GUCA1A: variants seen among roughly 807,000 people sequenced by gnomAD.
GUCA1A encodes guanylyl cyclase-activating protein 1.
A neutral mutation model predicts 18.5 loss-of-function variants in GUCA1A; 14 were observed. The ratio of observed to expected loss-of-function variants is 0.76; its 90% CI spans 0.50 to 1.18. The LOEUF is 1.18. GUCA1A is among the 50% of genes most tolerant of loss of function. The pLI is 0.00. For synonymous variants in GUCA1A, 97 were observed against 100.2 expected, an observed-to-expected ratio of 0.97 and a Z score of 0.19; for missense variants, 264 against 262.4, an observed-to-expected ratio of 1.01 and a Z score of -0.04.
intron 2 of GUCA1A, 56 bp downstream of exon 2, chr6:42,178,485 G>T: frequency 6.8e-7 from 1 of 1,464,920 alleles, no homozygotes; most frequent in South Asian, 1.1e-5. Flanking sequence ...ACCCGGAACT[G>T]AGAGCCCAGG....
chr6:42,173,928 C>A, intron 1 of GUCA1A, 114 bp downstream of exon 1: 2 of 766,806 alleles, frequency 2.6e-6, no homozygotes, highest in Non-Finnish European at 4.6e-6. Context: ...CGCTGGGGAG[C>A]AACTTCATTT....
At position 42,178,859 on chromosome 6, in the gene GUCA1A, G is replaced by A. The variant is rs756482682; in HGVS notation, c.409G>A (p.Asp137Asn). The A allele has an allele frequency of 6.2e-7, 1 of 1,613,864 alleles. No homozygotes were observed. Among genetic ancestry groups the A allele is most frequent in the Non-Finnish European group, 8.5e-7 (1 of 1,179,754 alleles). Residue 137 changes from aspartate (D) to asparagine (N), a missense_variant, in exon 3 of 4, where the codon GAT becomes AAT. Asp to Asn is a conservative substitution (Grantham distance 23, BLOSUM62 1). Coordinates refer to ENST00000372958, the MANE Select transcript of GUCA1A (RefSeq NM_001384910.1). ...DTTMTAEEFT[D>N]TVFSKIDVNG... ...CACCATGACTGCAGAGGAGTTCACC[G>A]ATACAGTGTTCTCCAAGATTGACGT... is the stretch of plus-strand genomic sequence containing the variant.
At chr6:42,176,678 C>T (rs1404095776) in intron 1 of GUCA1A, among the ~76,000 whole-genome samples, 1 of 152,178 alleles carries the variant, frequency 6.6e-6, no homozygotes, top group Non-Finnish European at 1.5e-5. Flanking sequence ...AGGTGATCCA[C>T]CTGCCTCGGC....
Position 42,179,644 on chromosome 6 carries a change from T to G in GUCA1A, c.*241T>G, listed in dbSNP as rs1768066134. On this transcript the variant is annotated 3_prime_UTR_variant, in exon 4 of 4. Transcript: ENST00000372958. ...AGCACTCCTTGCTGGGGGGCACTGT[T>G]CAACATCCCTCTGCCGTCGGGTGAC... 1 of 448,056 alleles carries G rather than the reference T, an allele frequency of 2.2e-6. No homozygotes were observed. Among genetic ancestry groups the G allele is most frequent in the Non-Finnish European group, 3.9e-6 (1 of 253,636 alleles). 27.8% of individuals were successfully genotyped at this position (448,056 alleles called of 1,614,324 possible). A position where few individuals can be genotyped will look rare whatever the true frequency, so the allele number is the denominator to read the frequency against.
chr6:42,177,158 A>G (rs972118160), intron 1 of GUCA1A, among the ~76,000 whole-genome samples: 2 of 152,178 alleles, frequency 1.3e-5, no homozygotes, highest in Admixed American at 6.5e-5. Flanking sequence ...ACACAAATCA[A>G]TGCAAATCTC....
Position 42,173,588 on chromosome 6 carries a change from A to T in GUCA1A, c.-26A>T. On this transcript the variant is annotated 5_prime_UTR_variant, in exon 1 of 4. Transcript: ENST00000372958. The stretch of plus-strand genomic sequence containing the variant: ...AGCGAACAGGGCCTGTCCATCTCAG[A>T]CGTCAGCCCCCTGAAGGCCTGAGCA... 1 of 1,592,548 alleles carries T rather than the reference A, an allele frequency of 6.3e-7. No homozygotes were observed. Among genetic ancestry groups the T allele is most frequent in the Non-Finnish European group, 8.6e-7 (1 of 1,161,284 alleles).
At position 42,173,415 on chromosome 6, in the gene GUCA1A, C is replaced by T. The variant is rs1272054133; in HGVS notation, c.-199C>T. The T allele has an allele frequency of 6.4e-6, 4 of 625,362 alleles. No individual in the cohort carries two copies. The Admixed American group carries it at 9.9e-5, about 16-fold the overall frequency. The allele number at this position is 625,362 out of a possible 1,614,324, so 38.7% of individuals were successfully genotyped here. A position where few individuals can be genotyped will look rare whatever the true frequency, so the allele number is the denominator to read the frequency against. On this transcript the variant is annotated 5_prime_UTR_variant, in exon 1 of 4. Transcript: ENST00000372958. ...TGGCATCTGTGAGTTTGAGTGTGGG[C>T]CATCATCTTCTTCCTTCTGCTCTCT...
intron 1 of GUCA1A, 151 bp from the exon 2 acceptor site, chr6:42,178,129 C>A: frequency 2.2e-6 from 2 of 890,472 alleles, no homozygotes; most frequent in Middle Eastern, 3.3e-4. Flanking sequence ...CAGGGCTGGC[C>A]CCCTCGCTGC....
In GUCA1A at chr6:42,173,567, A is replaced by C. The variant is rs1005548209; in HGVS notation, c.-47A>C. ...AGACACCTTTGGGCGAGGAGCAGCG[A>C]ACAGGGCCTGTCCATCTCAGACGTC... On this transcript the variant is annotated 5_prime_UTR_variant, in exon 1 of 4. Coordinates refer to ENST00000372958, the MANE Select transcript of GUCA1A (RefSeq NM_001384910.1). 16 of 1,502,078 alleles carry C rather than the reference A, an allele frequency of 1.1e-5. No individual in the cohort carries two copies. The highest frequency in any genetic ancestry group is 1.5e-5 in the Non-Finnish European group (16 of 1,079,760). 93.0% of individuals were successfully genotyped at this position (1,502,078 alleles called of 1,614,324 possible). A position where few individuals can be genotyped will look rare whatever the true frequency, so the allele number is the denominator to read the frequency against.
chr6:42,178,523 C>A, intron 2 of GUCA1A, 94 bp downstream of exon 2: 3 of 1,230,070 alleles, frequency 2.4e-6, no homozygotes, highest in Non-Finnish European at 3.6e-6. Context: ...AGGATTGAGA[C>A]AGGATGTGGG....
intron 1 of GUCA1A, among the ~76,000 whole-genome samples, chr6:42,177,503 T>C (rs1302533704): frequency 6.6e-6 from 1 of 152,108 alleles, no homozygotes; most frequent in Non-Finnish European, 1.5e-5. Context: ...ATTTAGATCT[T>C]TCTGGCACAA....
At chr6:42,178,757 G>A in intron 2 of GUCA1A, 45 bp from the exon 3 acceptor site, 2 of 1,419,076 alleles carry the variant, frequency 1.4e-6, no homozygotes, top group Non-Finnish European at 2.0e-6. Flanking sequence ...CCTGAGATAG[G>A]ATAAGGATGG....
chr6:42,174,419 G>T (rs1767896454), intron 1 of GUCA1A, among the ~76,000 whole-genome samples: 1 of 152,202 alleles, frequency 6.6e-6, no homozygotes, highest in Admixed American at 6.5e-5. Flanking sequence ...AACCCAGAAT[G>T]CTCCCAACTT....
At chr6:42,177,194 G>A (rs1767980641) in intron 1 of GUCA1A, among the ~76,000 whole-genome samples, 1 of 152,096 alleles carries the variant, frequency 6.6e-6, no homozygotes, top group African/African-American at 2.4e-5. Context: ...ACTGATATAG[G>A]ATGATTTAGG....
At chr6:42,178,132 C>G in intron 1 of GUCA1A, 148 bp from the exon 2 acceptor site, 1 of 923,302 alleles carries the variant, frequency 1.1e-6, no homozygotes, top group Non-Finnish European at 1.7e-6. Flanking sequence ...GGCTGGCCCC[C>G]TCGCTGCATC....
chr6:42,179,450 G>A lies in GUCA1A; in HGVS notation c.*47G>A. The A allele has an allele frequency of 7.0e-7, 1 of 1,437,938 alleles. No individual in the cohort carries two copies. Among genetic ancestry groups the A allele is most frequent in the Non-Finnish European group, 9.4e-7 (1 of 1,062,306 alleles). The allele number at this position is 1,437,938 out of a possible 1,614,324, so 89.1% of individuals were successfully genotyped here. On this transcript the variant is annotated 3_prime_UTR_variant, in exon 4 of 4. Transcript: ENST00000372958. ...GCACTAGCGGGTGGGGTGGTATGGTGGTGCCTGTTGGTGGTGTTCTTGTCT... is the reference window on the plus strand; with the variant it reads ...GCACTAGCGGGTGGGGTGGTATGGTAGTGCCTGTTGGTGGTGTTCTTGTCT...
intron 1 of GUCA1A, among the ~76,000 whole-genome samples, chr6:42,175,805 T>C (rs1281864429): frequency 6.6e-6 from 1 of 152,186 alleles, no homozygotes; most frequent in East Asian, 1.9e-4. Flanking sequence ...ACCCCCGCCT[T>C]AGGGGTTTTG....
chr6:42,179,293 C>A lies in GUCA1A; in HGVS notation c.496C>A (p.Leu166Ile). ...AGAGGGCGTCCAGAAGGACCAGATG[C>A]TCCTGGACACACTGACACGAAGCCT... ...FIEGVQKDQM[L>I]LDTLTRSLDL... The change falls in exon 4 of 4, where the codon CTC becomes ATC. Residue 166 changes from leucine to isoleucine, a missense_variant. By Grantham distance (5) the Leu-to-Ile change is conservative. Transcript: ENST00000372958. 1 of 1,613,740 alleles carries A rather than the reference C, an allele frequency of 6.2e-7. No individual in the cohort carries two copies. Among genetic ancestry groups the A allele is most frequent in the East Asian group, 2.2e-5 (1 of 44,880 alleles).
At position 42,178,754 on chromosome 6, in the gene GUCA1A, T is replaced by G. The variant is rs74920994; in HGVS notation, c.352-48T>G. ...ACCGTCCCCAATCCTACCCCTGAGA[T>G]AGGATAAGGATGGGCCCCTCTCACT... On this transcript the variant is annotated intron_variant, in intron 2 of 3. Transcript: ENST00000372958. 1.4e-4 allele frequency: 194 copies of G among 1,387,118 alleles called. 2 individuals are homozygous for G. The African/African-American group carries it at 2.6e-3, about 19-fold the overall frequency. The allele number at this position is 1,387,118 out of a possible 1,614,324, so 85.9% of individuals were successfully genotyped here. A position where few individuals can be genotyped will look rare whatever the true frequency, so the allele number is the denominator to read the frequency against.
Sources: gnomAD v4.1 joint callset for allele counts (sites outside exome capture counted in the v4.1 genomes callset) on GRCh38, gnomAD v4.1.1 for gene constraint, MANE v1.5 for transcripts, NCBI Gene and HGNC (gene_info 2026-07-23, HGNC 2026-07-21) for gene names.